The following KCND2 variants were observed in gnomAD, a reference collection of about 807,000 sequenced individuals.
KCND2 encodes A-type voltage-gated potassium channel KCND2.
KCND2 carries 16 observed loss-of-function variants against 54.4 expected under a neutral mutation model. The observed-to-expected ratio is 0.29, with a 90% CI of 0.20 to 0.45. The LOEUF (loss-of-function observed/expected upper bound fraction) is 0.45, where lower values mean the gene tolerates loss of function less well. Among genes scored for constraint, KCND2 ranks in the 20% least tolerant of loss-of-function variants. KCND2 has a pLI of 1.00. For missense variants in KCND2, 486 were observed against 824.2 expected, an observed-to-expected ratio of 0.59 and a Z score of 5.02; for synonymous variants, 317 against 310.7, an observed-to-expected ratio of 1.02 and a Z score of -0.21.
At chr7:120,536,068 G>C (rs925572539) in intron 1 of KCND2, among the ~76,000 whole-genome samples, 1 of 152,138 alleles carries the variant, frequency 6.6e-6, no homozygotes, top group Admixed American at 6.6e-5. Context: ...GCTTACCTCA[G>C]AGATACTGTG....
chr7:120,377,256 G>A (rs1303214615), intron 1 of KCND2, among the ~76,000 whole-genome samples: 2 of 151,922 alleles, frequency 1.3e-5, no homozygotes, highest in Admixed American at 1.3e-4. Flanking sequence ...ATTTTTGAAT[G>A]CAAGTTATGA....
chr7:120,366,141 T>C (rs1800675022), intron 1 of KCND2, among the ~76,000 whole-genome samples: 1 of 151,916 alleles, frequency 6.6e-6, no homozygotes, highest in South Asian at 2.1e-4. Flanking sequence ...TGAGTTATGA[T>C]AACTAAATAC....
intron 1 of KCND2, among the ~76,000 whole-genome samples, chr7:120,658,564 C>A (rs756644068): frequency 6.6e-6 from 1 of 152,014 alleles, no homozygotes; most frequent in Non-Finnish European, 1.5e-5. Context: ...CTTTATTTTC[C>A]ACCATTACTG....
At chr7:120,555,940 T>C (rs965931836) in intron 1 of KCND2, among the ~76,000 whole-genome samples, 1 of 152,214 alleles carries the variant, frequency 6.6e-6, no homozygotes, top group Non-Finnish European at 1.5e-5. Flanking sequence ...ATTGCTTATA[T>C]TTAAAAATTA....
chr7:120,646,843 T>C (rs1793448534), intron 1 of KCND2, among the ~76,000 whole-genome samples: 1 of 152,214 alleles, frequency 6.6e-6, no homozygotes, highest in Non-Finnish European at 1.5e-5. Context: ...CTAGTGAAAG[T>C]ACAAGCCTCA....
At chr7:120,599,468 A>G (rs1003080496) in intron 1 of KCND2, among the ~76,000 whole-genome samples, 2 of 151,960 alleles carry the variant, frequency 1.3e-5, no homozygotes, top group African/African-American at 4.8e-5. Context: ...CGAATTCAGT[A>G]TATTTCTCCA....
At chr7:120,566,199 G>C (rs985273607) in intron 1 of KCND2, among the ~76,000 whole-genome samples, 2 of 152,182 alleles carry the variant, frequency 1.3e-5, no homozygotes, top group Non-Finnish European at 2.9e-5. Context: ...TTCATGGATT[G>C]GGGAATAGGG....
intron 1 of KCND2, among the ~76,000 whole-genome samples, chr7:120,397,508 A>G (rs1157736615): frequency 6.6e-6 from 1 of 152,012 alleles, no homozygotes; most frequent in Non-Finnish European, 1.5e-5. Context: ...AAAGTTCTCA[A>G]TTGTAGTATT....
At chr7:120,450,292 C>T (rs1360898942) in intron 1 of KCND2, among the ~76,000 whole-genome samples, 1 of 152,104 alleles carries the variant, frequency 6.6e-6, no homozygotes, top group African/African-American at 2.4e-5. Context: ...TGCCTATAGT[C>T]CCAGCTACTC....
intron 1 of KCND2, among the ~76,000 whole-genome samples, chr7:120,527,918 T>C (rs1286098924): frequency 1.3e-5 from 2 of 152,168 alleles, no homozygotes; most frequent in Non-Finnish European, 2.9e-5. Context: ...GACAGATTTG[T>C]AGAGCAGGGA....
chr7:120,352,459 TACAC>T (rs199700951), intron 1 of KCND2, among the ~76,000 whole-genome samples: 87,554 of 147,984 alleles, frequency 0.59, 28,932 homozygotes, highest in Middle Eastern at 0.76. Flanking sequence ...CACACATACA[TACAC>T]ACACACACAC....
chr7:120,458,101 G>A (rs185629744), intron 1 of KCND2, among the ~76,000 whole-genome samples: 45 of 152,228 alleles, frequency 3.0e-4, no homozygotes, highest in African/African-American at 9.9e-4. Flanking sequence ...AAACAATTGA[G>A]ATGTTTGGTA....
At chr7:120,295,491 AG>A (rs1799499531) in intron 1 of KCND2, among the ~76,000 whole-genome samples, 1 of 151,698 alleles carries the variant, frequency 6.6e-6, no homozygotes, top group Non-Finnish European at 1.5e-5. Context: ...GTGCTTGGGG[AG>A]GGAAACCAAA....
At chr7:120,406,067 C>T (rs962453625) in intron 1 of KCND2, among the ~76,000 whole-genome samples, 34 of 151,936 alleles carry the variant, frequency 2.2e-4, no homozygotes, top group African/African-American at 7.2e-5. Flanking sequence ...GAATTCAGTT[C>T]TCATCACAAA....
At chr7:120,275,982 A>C (rs1328246647) in intron 1 of KCND2, among the ~76,000 whole-genome samples, 1 of 152,198 alleles carries the variant, frequency 6.6e-6, no homozygotes, top group East Asian at 1.9e-4. Flanking sequence ...ATAAAGATAC[A>C]AAGAAATTTT....
chr7:120,384,671 A>T (rs2116035928), intron 1 of KCND2, among the ~76,000 whole-genome samples: 1 of 152,308 alleles, frequency 6.6e-6, no homozygotes, highest in East Asian at 1.9e-4. Flanking sequence ...TGCCCAGAAG[A>T]TATCAAACAA....
intron 1 of KCND2, among the ~76,000 whole-genome samples, chr7:120,285,615 C>T (rs865887131): frequency 6.6e-6 from 1 of 151,796 alleles, no homozygotes; most frequent in East Asian, 1.9e-4. Flanking sequence ...TTTTTCCAAT[C>T]TTTTATAGAT....
chr7:120,367,237 A>G (rs757674279), intron 1 of KCND2, among the ~76,000 whole-genome samples: 7 of 152,152 alleles, frequency 4.6e-5, no homozygotes, highest in Non-Finnish European at 5.9e-5. Context: ...GTTTGAACCC[A>G]GGTCTGCCTA....
At chr7:120,566,124 G>T (rs1792294206) in intron 1 of KCND2, among the ~76,000 whole-genome samples, 1 of 152,000 alleles carries the variant, frequency 6.6e-6, no homozygotes. Context: ...ACCTATTACT[G>T]ACATATGTAT....
Sources: allele counts gnomAD v4.1 joint callset (sites outside exome capture counted in the v4.1 genomes callset), GRCh38; gene constraint gnomAD v4.1.1; transcripts MANE v1.5; gene names NCBI Gene and HGNC (gene_info 2026-07-23, HGNC 2026-07-21).